The following SEMA6A variants were observed in gnomAD, a reference collection of about 807,000 sequenced individuals.
SEMA6A encodes semaphorin 6A.
A neutral mutation model predicts 96.8 loss-of-function variants in SEMA6A; 25 were observed. The observed-to-expected ratio is 0.26, with a 90% CI of 0.19 to 0.36. The LOEUF (loss-of-function observed/expected upper bound fraction) is 0.36. SEMA6A is among the 10% of genes least tolerant of loss of function. SEMA6A has a pLI of 1.00. For synonymous variants in SEMA6A, 612 were observed against 518.0 expected (o/e 1.18, Z -2.46); for missense variants, 1,363 against 1,323.1 (o/e 1.03, Z -0.47).
intron 1 of SEMA6A, 64 bp downstream of exon 1, chr5:116,574,121 G>C (rs1293530175): frequency 6.6e-6 from 1 of 152,006 alleles, no homozygotes; most frequent in East Asian, 2.0e-4. Context: ...CCACGGCCCC[G>C]GGACCCTCAG....
intron 6 of SEMA6A, among the ~76,000 whole-genome samples, chr5:116,493,042 A>G (rs1158659538): frequency 6.6e-6 from 1 of 152,226 alleles, no homozygotes; most frequent in African/African-American, 2.4e-5. Context: ...GGAACTGAGC[A>G]TGAGCAACAT....
intron 6 of SEMA6A, among the ~76,000 whole-genome samples, chr5:116,494,598 T>C (rs1757490498): frequency 6.6e-6 from 1 of 152,210 alleles, no homozygotes; most frequent in Non-Finnish European, 1.5e-5. Context: ...ATCCATTGCA[T>C]GATGTCACCA....
intron 5 of SEMA6A, chr5:116,495,859 T>G (rs1217435836): frequency 8.8e-6 from 3 of 340,064 alleles, no homozygotes; most frequent in Non-Finnish European, 1.6e-5. Context: ...AAGTGTGTTT[T>G]TATGTTGTTA....
chr5:116,497,202 A>G, intron 4 of SEMA6A, 125 bp downstream of exon 4: 1 of 599,570 alleles, frequency 1.7e-6, no homozygotes, highest in Non-Finnish European at 2.9e-6. Context: ...GGATTTCACA[A>G]AATGCATGTT....
At chr5:116,487,236 A>T in intron 9 of SEMA6A, 1 of 364,218 alleles carries the variant, frequency 2.7e-6, no homozygotes, top group Non-Finnish European at 5.1e-6. Context: ...AGTCATTTCC[A>T]TACAGACTGC....
intron 17 of SEMA6A, among the ~76,000 whole-genome samples, chr5:116,470,464 A>G (rs1756055843): frequency 6.6e-6 from 1 of 152,186 alleles, no homozygotes; most frequent in African/African-American, 2.4e-5. Context: ...TATATTTTGA[A>G]AGTTAACGTT....
intron 1 of SEMA6A, among the ~76,000 whole-genome samples, chr5:116,509,155 TGGCAGCA>T (rs1359584795): frequency 6.6e-6 from 1 of 152,230 alleles, no homozygotes; most frequent in East Asian, 1.9e-4. Flanking sequence ...TTGGTAGACA[TGGCAGCA>T]TCTTCCAGAA....
rs1761378706 is a variant in SEMA6A, at chr5:116,574,439, A to C, written c.-293T>G. 7.2e-6 allele frequency: 1 copy of C among 138,878 alleles called. No individual in the cohort carries two copies. Among genetic ancestry groups the C allele is most frequent in the Non-Finnish European group, 1.6e-5 (1 of 62,586 alleles). The allele number at this position is 138,878 out of a possible 1,614,324, so 8.6% of individuals were successfully genotyped here. On this transcript the variant is annotated 5_prime_UTR_variant, in exon 1 of 19. Transcript: ENST00000343348. The stretch of plus-strand genomic sequence containing the variant: ...AGAAGGGGAGAGGAAAAAAGAAGCC[A>C]AAAAAAAAAAGAAGAAAAAGAAAAA...
chr5:116,480,392 G>C (rs935234936), intron 11 of SEMA6A, 115 bp from the exon 12 acceptor site: 16 of 1,269,696 alleles, frequency 1.3e-5, no homozygotes, highest in Non-Finnish European at 7.7e-6. Flanking sequence ...ACTGCAGCCT[G>C]AGAGGAGGAA....
At chr5:116,489,367 TG>T (rs1284406982) in intron 7 of SEMA6A, among the ~76,000 whole-genome samples, 22 of 152,076 alleles carry the variant, frequency 1.4e-4, no homozygotes, top group Non-Finnish European at 2.9e-4. Context: ...CACCACACCA[TG>T]GTAAACTGGA....
chr5:116,472,993 TACTC>T, intron 17 of SEMA6A, 76 bp downstream of exon 17: 1 of 1,523,306 alleles, frequency 6.6e-7, no homozygotes, highest in Non-Finnish European at 8.9e-7. Context: ...GATTTGAACA[TACTC>T]AAGAGGATTA....
rs751657346 is a variant in SEMA6A at position 116,447,394 on chromosome 5, C to T, written c.2312G>A (p.Ser771Asn). The T allele has an allele frequency of 6.2e-7, 1 of 1,614,016 alleles. No individual in the cohort carries two copies. Among genetic ancestry groups the T allele is most frequent in the Non-Finnish European group, 8.5e-7 (1 of 1,179,898 alleles). Residue 771 changes from serine to asparagine, a missense_variant, in exon 19 of 19, where the codon AGC (serine) becomes AAC (asparagine). Physicochemically the swap from Ser to Asn is conservative, Grantham distance 46. This residue lies in a region of SEMA6A where 883 missense variants were observed against 763.6 expected (regional missense o/e 1.16). Transcript: ENST00000343348. ...TPTLQQKRKP[S>N]RGSREWERNQ... ...CCTCTCCCACTCGCGGCTGCCGCGG[C>T]TGGGCTTCCGCTTCTGCTGCAGCGT...
chr5:116,487,088 T>C, intron 9 of SEMA6A, 122 bp from the exon 10 acceptor site: 3 of 545,620 alleles, frequency 5.5e-6, no homozygotes, highest in Non-Finnish European at 9.2e-6. Context: ...GTTTCTAAAA[T>C]CAGTAACAAA....
chr5:116,547,027 T>A (rs1270536808), intron 1 of SEMA6A, among the ~76,000 whole-genome samples: 1 of 152,242 alleles, frequency 6.6e-6, no homozygotes, highest in Non-Finnish European at 1.5e-5. Flanking sequence ...GTTCCAACCC[T>A]ATTTTTTTTC....
At chr5:116,472,636 A>G in intron 17 of SEMA6A, 1 of 436,794 alleles carries the variant, frequency 2.3e-6, no homozygotes, top group Non-Finnish European at 4.0e-6. Flanking sequence ...TGTATTCACC[A>G]AATTCCCTAA....
Position 116,446,516 on chromosome 5 carries a change from G to T in SEMA6A, c.*97C>A. 2.8e-6 allele frequency: 3 copies of T among 1,060,230 alleles called. No homozygotes were observed. The highest frequency in any genetic ancestry group is 1.6e-5 in the African/African-American group (1 of 62,366). The allele number at this position is 1,060,230 out of a possible 1,614,324, so 65.7% of individuals were successfully genotyped here. A position where few individuals can be genotyped will look rare whatever the true frequency, so the allele number is the denominator to read the frequency against. The stretch of plus-strand genomic sequence containing the variant: ...CCTCGGCTCTGCCGCAGGCCTTCTT[G>T]GTCTGGTGGGTACTCGAGGCAGTTG... On this transcript the variant is annotated 3_prime_UTR_variant, in exon 19 of 19. Coordinates refer to ENST00000343348, the MANE Select transcript of SEMA6A (RefSeq NM_020796.5).
chr5:116,451,997 C>G (rs1488663717), intron 18 of SEMA6A, among the ~76,000 whole-genome samples: 1 of 151,862 alleles, frequency 6.6e-6, no homozygotes, highest in African/African-American at 2.4e-5. Flanking sequence ...CTGCAAAGGG[C>G]AAAGGGCAAA....
intron 1 of SEMA6A, chr5:116,562,535 T>A (rs114309795): frequency 0.026 from 14,029 of 542,690 alleles, 226 homozygotes; most frequent in South Asian, 0.035. Flanking sequence ...CTCTTTCCGG[T>A]GTGGAGTCTG....
At chr5:116,507,076 T>C (rs548666961) in intron 1 of SEMA6A, among the ~76,000 whole-genome samples, 6 of 152,324 alleles carry the variant, frequency 3.9e-5, no homozygotes, top group Non-Finnish European at 7.4e-5. Context: ...AAATCTGTTA[T>C]GCAAGTCAGT....
Sources: gnomAD v4.1 joint callset for allele counts (sites outside exome capture counted in the v4.1 genomes callset) on GRCh38, gnomAD v4.1.1 for gene constraint, gnomAD v4.1.1 regional missense constraint, MANE v1.5 for transcripts, NCBI Gene and HGNC (gene_info 2026-07-23, HGNC 2026-07-21) for gene names.